Variants in PRSS23 observed in about 807,000 individuals in gnomAD.
PRSS23 encodes the protein serine protease 23.
PRSS23 carries 25 observed loss-of-function variants against 34.7 expected under a neutral mutation model. The ratio of observed to expected loss-of-function variants is 0.72; its 90% CI spans 0.53 to 1.01. PRSS23 has a LOEUF of 1.01. Among genes scored for constraint, PRSS23 ranks in the 50% least tolerant of loss-of-function variants. The pLI is 0.00. For missense variants in PRSS23, 445 were observed against 475.6 expected (o/e 0.94, Z 0.60); for synonymous variants, 176 against 186.6 (o/e 0.94, Z 0.46).
rs182014585 is a variant in PRSS23 at position 86,841,636 on chromosome 11, A to C, written c.206+18043A>C. Among the ~76,000 whole-genome samples the C allele has an allele frequency of 7.4e-3, 1,133 of 152,250 alleles. 25 individuals are homozygous for C. The highest frequency in any genetic ancestry group is 0.026 in the African/African-American group (1,074 of 41,532). On this transcript the variant is annotated intron_variant, in intron 2 of 2. Transcript: ENST00000533902. ...TGGTCCCACAGAAATACAAACTACC[A>C]TCAGAATACTATAAACACCTCTATG...
At chr11:86,816,765 AC>A in intron 1 of PRSS23, among the ~76,000 whole-genome samples, 1 of 152,356 alleles carries the variant, frequency 6.6e-6, no homozygotes, top group Middle Eastern at 3.4e-3. Context: ...TTCTACTTTC[AC>A]AGAAAAGATG....
intron 2 of PRSS23, among the ~76,000 whole-genome samples, chr11:86,835,197 G>A (rs1399548058): frequency 6.6e-6 from 1 of 152,228 alleles, no homozygotes; most frequent in Non-Finnish European, 1.5e-5. Flanking sequence ...CTTTAGCAGT[G>A]AGTATGCCTT....
intron 2 of PRSS23, among the ~76,000 whole-genome samples, chr11:86,916,076 A>T (rs1949010917): frequency 6.6e-6 from 1 of 152,140 alleles, no homozygotes; most frequent in Admixed American, 6.5e-5. Flanking sequence ...AAACAAAACA[A>T]AGTGCATAAT....
chr11:86,950,904 C>T (rs563441127), intron 2 of PRSS23: 1 of 582,624 alleles, frequency 1.7e-6, no homozygotes, highest in East Asian at 2.9e-5. Context: ...TTTGATTTTT[C>T]ACAGCTTTGA....
At chr11:86,795,904 A>G (rs553105276), upstream of PRSS23, among the ~76,000 whole-genome samples, 4 of 152,268 alleles carry the variant, frequency 2.6e-5, no homozygotes, top group African/African-American at 7.2e-5. Context: ...TGTTGAGGCT[A>G]CATATGGATC....
At chr11:86,855,831 T>C (rs1400369410) in intron 2 of PRSS23, among the ~76,000 whole-genome samples, 2 of 152,144 alleles carry the variant, frequency 1.3e-5, no homozygotes, top group Admixed American at 1.3e-4. Flanking sequence ...TACATATAAG[T>C]GAGGACATGT....
chr11:86,869,891 A>T (rs1250826181), intron 2 of PRSS23, among the ~76,000 whole-genome samples: 2 of 152,214 alleles, frequency 1.3e-5, no homozygotes, highest in African/African-American at 4.8e-5. Flanking sequence ...GAAACACAGT[A>T]CGTCGTCAGT....
intron 2 of PRSS23, among the ~76,000 whole-genome samples, chr11:86,829,393 G>T (rs764915445): frequency 1.3e-3 from 194 of 152,152 alleles, no homozygotes; most frequent in African/African-American, 3.6e-3. Flanking sequence ...TTATACATTC[G>T]TCTAAATTTT....
chr11:86,861,805 A>AT (rs1948617656), intron 2 of PRSS23, among the ~76,000 whole-genome samples: 1 of 151,638 alleles, frequency 6.6e-6, no homozygotes, highest in Non-Finnish European at 1.5e-5. Flanking sequence ...GATAGGGTGT[A>AT]CACGCCTTTG....
chr11:86,907,899 T>C (rs1948954588), intron 2 of PRSS23, among the ~76,000 whole-genome samples: 1 of 152,184 alleles, frequency 6.6e-6, no homozygotes, highest in African/African-American at 2.4e-5. Context: ...CTACCCCCAG[T>C]GCCTGCAACC....
In PRSS23 at chr11:86,807,931, C is replaced by T. The variant is rs1948123453; in HGVS notation, c.288C>T (p.Arg96=). 1.2e-6 allele frequency: 2 copies of T among 1,614,146 alleles called. No individual in the cohort carries two copies. The highest frequency in any genetic ancestry group is 2.2e-5 in the East Asian group (1 of 44,874). Residue 96 remains arginine, a synonymous_variant, in exon 2 of 2, where the codon CGC becomes CGT. Transcript: ENST00000280258. Reference sequence around the variant, plus strand: ...AAACGCTCTATGCCAATGGCAGCCGCACAGAGACGCAGGTGGGCATCTACA... The same window carrying T: ...AAACGCTCTATGCCAATGGCAGCCGTACAGAGACGCAGGTGGGCATCTACA... The part of the protein sequence containing the change: ...SYETLYANGS[R]TETQVGIYIL...
At chr11:86,811,451 A>G (rs897768567), downstream of PRSS23, among the ~76,000 whole-genome samples, 1 of 152,230 alleles carries the variant, frequency 6.6e-6, no homozygotes, top group Admixed American at 6.5e-5. Flanking sequence ...TTTGAAAATT[A>G]TCTGTCGCTG....
At chr11:86,880,461 A>G (rs950554648) in intron 2 of PRSS23, among the ~76,000 whole-genome samples, 6 of 150,906 alleles carry the variant, frequency 4.0e-5, no homozygotes, top group Admixed American at 1.3e-4. Flanking sequence ...TAAAAAAAAT[A>G]AAAAGATAAG....
intron 2 of PRSS23, among the ~76,000 whole-genome samples, chr11:86,944,409 A>G (rs1235153095): frequency 1.3e-5 from 2 of 152,210 alleles, no homozygotes; most frequent in South Asian, 2.1e-4. Flanking sequence ...GAGGGACACC[A>G]TGCAACCCAC....
intron 2 of PRSS23, among the ~76,000 whole-genome samples, chr11:86,945,293 C>G (rs1389712968): frequency 6.6e-6 from 1 of 150,392 alleles, no homozygotes; most frequent in Non-Finnish European, 1.5e-5. Context: ...GATGGGAAAA[C>G]TCTTTTTTAG....
intron 2 of PRSS23, among the ~76,000 whole-genome samples, chr11:86,825,018 T>C (rs1190788607): frequency 6.6e-6 from 1 of 152,122 alleles, no homozygotes; most frequent in African/African-American, 2.4e-5. Flanking sequence ...CTGGGTCAAA[T>C]GGTATTTCTA....
intron 2 of PRSS23, chr11:86,946,718 C>T (rs1949245748): frequency 6.6e-6 from 1 of 152,538 alleles, no homozygotes; most frequent in South Asian, 2.1e-4. Flanking sequence ...ATGATCTAAC[C>T]CTGGAGGAAA....
chr11:86,868,031 A>G (rs1565371203), intron 2 of PRSS23, among the ~76,000 whole-genome samples: 1 of 152,052 alleles, frequency 6.6e-6, no homozygotes. Flanking sequence ...GCTCCACAAC[A>G]CATAATGAAT....
chr11:86,795,677 C>T (rs1336105259), upstream of PRSS23, among the ~76,000 whole-genome samples: 2 of 152,206 alleles, frequency 1.3e-5, no homozygotes, highest in African/African-American at 4.8e-5. Flanking sequence ...GGCTAAGACA[C>T]ATTTAGAATG....
Sources: gnomAD v4.1 joint callset for allele counts (sites outside exome capture counted in the v4.1 genomes callset) on GRCh38, gnomAD v4.1.1 for gene constraint, MANE v1.5 for transcripts, NCBI Gene and HGNC (gene_info 2026-07-23, HGNC 2026-07-21) for gene names.